STEAP1B: variants seen among roughly 807,000 people sequenced by gnomAD.
STEAP1B encodes the protein STEAP family protein MGC87042.
STEAP1B carries 13 observed loss-of-function variants against 27.9 expected under a neutral mutation model. That is an observed-to-expected ratio of 0.47 (90% confidence interval 0.30 to 0.74). The LOEUF is 0.74. Ranked by LOEUF, STEAP1B falls within the 30% of genes least tolerant of loss-of-function variation. STEAP1B has a pLI of 0.06. For missense variants in STEAP1B, 250 were observed against 298.7 expected, an observed-to-expected ratio of 0.84 and a Z score of 1.20; for synonymous variants, 86 against 107.1, an observed-to-expected ratio of 0.80 and a Z score of 1.22.
chr7:22,484,364 C>T (rs1786137694), intron 4 of STEAP1B, among the ~76,000 whole-genome samples: 1 of 152,168 alleles, frequency 6.6e-6, no homozygotes, highest in Non-Finnish European at 1.5e-5. Context: ...CAGAATTATG[C>T]TAAATCTACT....
intron 4 of STEAP1B, among the ~76,000 whole-genome samples, chr7:22,464,044 C>T (rs912715950): frequency 3.6e-4 from 54 of 152,112 alleles, no homozygotes; most frequent in African/African-American, 1.1e-3. Flanking sequence ...AGAAAATTTT[C>T]GCAACCTACT....
chr7:22,432,202 T>C (rs1785196163), intron 4 of STEAP1B, among the ~76,000 whole-genome samples: 1 of 151,976 alleles, frequency 6.6e-6, no homozygotes, highest in Admixed American at 6.6e-5. Flanking sequence ...CCAAATCTGC[T>C]TGTGCCTTGA....
intron 4 of STEAP1B, among the ~76,000 whole-genome samples, chr7:22,489,672 T>C (rs1562585176): frequency 6.6e-6 from 1 of 152,162 alleles, no homozygotes. Flanking sequence ...CTGAAGATTG[T>C]CAGCAATCAC....
At chr7:22,432,341 C>A (rs1785198160) in intron 4 of STEAP1B, among the ~76,000 whole-genome samples, 1 of 151,182 alleles carries the variant, frequency 6.6e-6, no homozygotes, top group South Asian at 2.1e-4. Context: ...GAGTTTGAGA[C>A]CAGCCTTGGC....
In STEAP1B at chr7:22,456,976, T is replaced by A. The variant is rs199920738; in HGVS notation, c.762+35589A>T. On this transcript the variant is annotated intron_variant, in intron 4 of 4. Transcript: ENST00000678116. Reference sequence around the variant, plus strand: ...GCTATATATATATATATATATATTTTTTTTTTTTTTAAGTATCCTGGGTGG... The same window carrying A: ...GCTATATATATATATATATATATTTATTTTTTTTTTAAGTATCCTGGGTGG... 8.8e-3 allele frequency among the ~76,000 whole-genome samples: 304 copies of A among 34,496 alleles called. 27 individuals are homozygous for A. The highest frequency in any genetic ancestry group is 0.021 in the East Asian group (13 of 626). The allele number at this position is 34,496 out of a possible 152,430, so 22.6% of individuals were successfully genotyped here.
chr7:22,436,879 G>A (rs1176160628), intron 4 of STEAP1B, among the ~76,000 whole-genome samples: 1 of 152,184 alleles, frequency 6.6e-6, no homozygotes, highest in Non-Finnish European at 1.5e-5. Context: ...CTTTATAATA[G>A]AACGATTTAT....
chr7:22,457,202 T>C (rs1785602742), intron 4 of STEAP1B, among the ~76,000 whole-genome samples: 1 of 151,698 alleles, frequency 6.6e-6, no homozygotes, highest in Admixed American at 6.6e-5. Flanking sequence ...TTTAGGCTTC[T>C]GGTACTGAGG....
intron 4 of STEAP1B, among the ~76,000 whole-genome samples, chr7:22,448,385 C>CT (rs1175090498): frequency 1.3e-5 from 2 of 150,898 alleles, no homozygotes; most frequent in Non-Finnish European, 2.9e-5. Flanking sequence ...CATGAATGAT[C>CT]TTTTAATAGA....
intron 4 of STEAP1B, among the ~76,000 whole-genome samples, chr7:22,436,701 A>G (rs1017580403): frequency 6.6e-5 from 10 of 152,160 alleles, no homozygotes; most frequent in Non-Finnish European, 1.0e-4. Context: ...AGCTCCATTC[A>G]TGTCCCTGTA....
At chr7:22,460,826 C>A (rs970814004) in intron 4 of STEAP1B, among the ~76,000 whole-genome samples, 4 of 152,148 alleles carry the variant, frequency 2.6e-5, no homozygotes, top group Admixed American at 6.5e-5. Context: ...ACCGAAAAAG[C>A]TTCACATTTT....
intron 4 of STEAP1B, among the ~76,000 whole-genome samples, chr7:22,432,544 C>T (rs938218877): frequency 6.6e-6 from 1 of 152,066 alleles, no homozygotes; most frequent in Non-Finnish European, 1.5e-5. Flanking sequence ...CCACTGACTC[C>T]AGCCTGGGCA....
chr7:22,434,589 GA>G (rs35276836), intron 4 of STEAP1B, among the ~76,000 whole-genome samples: 7,115 of 152,228 alleles, frequency 0.047, 260 homozygotes, highest in South Asian at 0.12. Context: ...TTGCAATAAA[GA>G]AAATTAAATG....
intron 4 of STEAP1B, among the ~76,000 whole-genome samples, chr7:22,423,220 A>G (rs1490399545): frequency 3.3e-5 from 5 of 152,168 alleles, no homozygotes; most frequent in Non-Finnish European, 5.9e-5. Flanking sequence ...GTTTCTTAAA[A>G]CGTTAAGCAT....
intron 4 of STEAP1B, among the ~76,000 whole-genome samples, chr7:22,459,575 A>G (rs1785643608): frequency 6.6e-6 from 1 of 152,242 alleles, no homozygotes; most frequent in Non-Finnish European, 1.5e-5. Flanking sequence ...AAAGTTACAC[A>G]TATAGTAAAT....
At chr7:22,437,651 C>A (rs556612996) in intron 4 of STEAP1B, among the ~76,000 whole-genome samples, 1 of 152,186 alleles carries the variant, frequency 6.6e-6, no homozygotes, top group Non-Finnish European at 1.5e-5. Flanking sequence ...TATGACAGTC[C>A]TGCTTTTTAA....
intron 4 of STEAP1B, among the ~76,000 whole-genome samples, chr7:22,466,961 G>A (rs1785795726): frequency 2.0e-5 from 3 of 152,220 alleles, no homozygotes; most frequent in African/African-American, 4.8e-5. Flanking sequence ...TCCCAGGGCT[G>A]CTGTAAGTAC....
At chr7:22,425,347 C>T (rs981436282) in intron 4 of STEAP1B, among the ~76,000 whole-genome samples, 1 of 152,162 alleles carries the variant, frequency 6.6e-6, no homozygotes, top group Non-Finnish European at 1.5e-5. Flanking sequence ...CAACTGGGGC[C>T]GTCCAGTATT....
chr7:22,471,459 G>A (rs774654106), intron 4 of STEAP1B, among the ~76,000 whole-genome samples: 13 of 152,158 alleles, frequency 8.5e-5, no homozygotes, highest in Admixed American at 2.0e-4. Context: ...ATTTCATAGC[G>A]CTGCCTACCT....
chr7:22,462,843 C>T (rs1445868918), intron 4 of STEAP1B, among the ~76,000 whole-genome samples: 1 of 150,496 alleles, frequency 6.6e-6, no homozygotes, highest in Non-Finnish European at 1.5e-5. Context: ...TTTACAGTCC[C>T]ACCAACAGTG....
Sources: allele counts gnomAD v4.1 joint callset (sites outside exome capture counted in the v4.1 genomes callset), GRCh38; gene constraint gnomAD v4.1.1; transcripts MANE v1.5; gene names NCBI Gene and HGNC (gene_info 2026-07-23, HGNC 2026-07-21).